Variants in SLC18A2 observed in about 807,000 individuals in gnomAD.
SLC18A2 encodes synaptic vesicular amine transporter.
A neutral mutation model predicts 59.2 loss-of-function variants in SLC18A2; 33 were observed. The observed-to-expected ratio is 0.56, with a 90% CI of 0.42 to 0.75. The LOEUF (loss-of-function observed/expected upper bound fraction) is 0.75. Ranked by LOEUF, SLC18A2 falls within the 30% of genes least tolerant of loss-of-function variation. SLC18A2 has a pLI of 0.00. For synonymous variants in SLC18A2, 228 were observed against 253.5 expected, an observed-to-expected ratio of 0.90 and a Z score of 0.95; for missense variants, 569 against 668.6, an observed-to-expected ratio of 0.85 and a Z score of 1.64.
intron 4 of SLC18A2, among the ~76,000 whole-genome samples, chr10:117,253,845 CA>C (rs980056390): frequency 1.3e-5 from 2 of 151,842 alleles, no homozygotes; most frequent in South Asian, 2.1e-4. Flanking sequence ...GACTCCATCT[CA>C]AAAAAAAGTA....
intron 2 of SLC18A2, among the ~76,000 whole-genome samples, chr10:117,243,671 C>T (rs1844078419): frequency 6.6e-6 from 1 of 152,176 alleles, no homozygotes; most frequent in South Asian, 2.1e-4. Context: ...CTGCAACTTC[C>T]ACCTCCCAGG....
Position 117,253,445 on chromosome 10 carries a change from G to T in SLC18A2, c.511G>T (p.Val171Phe). The T allele has an allele frequency of 6.2e-7, 1 of 1,612,682 alleles. No individual in the cohort carries two copies. The highest frequency in any genetic ancestry group is 8.5e-7 in the Non-Finnish European group (1 of 1,179,236). The change falls in exon 4 of 16, where the codon GTC (valine) becomes TTC (phenylalanine). Residue 171 changes from valine to phenylalanine, a missense_variant. Val to Phe is a conservative substitution (Grantham distance 50, BLOSUM62 -1). Transcript: ENST00000644641. ...PIFAGFCIMF[V>F]STIMFAFSSS... ...ATTTGCGGGATTCTGCATCATGTTT[G>T]TCTCAACAATTAGTAAGTGTGTGGT...
chr10:117,249,409 C>T (rs981737596), intron 3 of SLC18A2, among the ~76,000 whole-genome samples: 2 of 152,230 alleles, frequency 1.3e-5, no homozygotes, highest in East Asian at 1.9e-4. Context: ...CAAGCGGAAT[C>T]GAAGAATTTT....
At chr10:117,246,936 G>A (rs572187269) in intron 3 of SLC18A2, among the ~76,000 whole-genome samples, 1 of 152,182 alleles carries the variant, frequency 6.6e-6, no homozygotes, top group Non-Finnish European at 1.5e-5. Context: ...TTACAGGCGT[G>A]AGCCACCGCC....
intron 3 of SLC18A2, among the ~76,000 whole-genome samples, chr10:117,251,926 A>T (rs549843533): frequency 6.6e-6 from 1 of 152,180 alleles, no homozygotes; most frequent in East Asian, 1.9e-4. Context: ...AACTGAGTGT[A>T]AACTTTAAAT....
rs1054110268 is a variant in SLC18A2, at chr10:117,278,220, T to C, written c.*954T>C. 6.6e-6 allele frequency: 1 copy of C among 152,224 alleles called. No individual in the cohort carries two copies. The highest frequency in any genetic ancestry group is 1.9e-4 in the East Asian group (1 of 5,202). The allele number at this position is 152,224 out of a possible 1,614,324, so 9.4% of individuals were successfully genotyped here. On this transcript the variant is annotated 3_prime_UTR_variant, in exon 16 of 16. Coordinates refer to ENST00000644641, the MANE Select transcript of SLC18A2 (RefSeq NM_003054.6). The stretch of plus-strand genomic sequence containing the variant: ...TTGATCTGTTTGCAGGTCATCCAAG[T>C]GTTTTCTAGGAATATATTTATTTTA...
At chr10:117,254,574 G>A in intron 6 of SLC18A2, 77 bp downstream of exon 6, 1 of 1,041,130 alleles carries the variant, frequency 9.6e-7, no homozygotes, top group African/African-American at 1.6e-5. Context: ...CTCGCCCAGT[G>A]ACCCTGGCGC....
Position 117,255,418 on chromosome 10 carries a change from C to T in SLC18A2, c.790+52C>T, listed in dbSNP as rs363419. ...CCATGACCTTGGCATCGTGCTGGCA[C>T]GCGCTTGGGCCACACCTGCTTTCTG... On this transcript the variant is annotated intron_variant, in intron 7 of 15. Coordinates refer to ENST00000644641, the MANE Select transcript of SLC18A2 (RefSeq NM_003054.6). 104,244 of 1,613,724 alleles carry T rather than the reference C, an allele frequency of 0.065. 3,869 individuals are homozygous for T. Among genetic ancestry groups the T allele is most frequent in the East Asian group, 0.14 (6,219 of 44,872 alleles).
intron 11 of SLC18A2, 40 bp downstream of exon 11, chr10:117,266,851 A>C (rs1844354613): frequency 1.3e-6 from 2 of 1,576,272 alleles, no homozygotes; most frequent in Non-Finnish European, 8.7e-7. Context: ...TGTTACAATA[A>C]TGTAGTTCTT....
At chr10:117,242,820 C>A (rs1004130768) in intron 2 of SLC18A2, among the ~76,000 whole-genome samples, 1 of 152,196 alleles carries the variant, frequency 6.6e-6, no homozygotes, top group Admixed American at 6.5e-5. Context: ...GCAACCTCCA[C>A]CTCCCGGGTT....
intron 15 of SLC18A2, among the ~76,000 whole-genome samples, chr10:117,271,617 A>G (rs1844428962): frequency 6.6e-6 from 1 of 152,146 alleles, no homozygotes; most frequent in African/African-American, 2.4e-5. Context: ...AAGGTATGGA[A>G]GGTGCTGTGG....
At chr10:117,249,882 G>C (rs932628537) in intron 3 of SLC18A2, among the ~76,000 whole-genome samples, 2 of 152,096 alleles carry the variant, frequency 1.3e-5, no homozygotes, top group Admixed American at 6.5e-5. Flanking sequence ...GATGACCGTG[G>C]GCCAGTATGA....
At chr10:117,247,866 A>G (rs1844124388) in intron 3 of SLC18A2, among the ~76,000 whole-genome samples, 2 of 152,182 alleles carry the variant, frequency 1.3e-5, no homozygotes, top group South Asian at 2.1e-4. Context: ...GAATCGAGAC[A>G]TTCTACACCA....
chr10:117,262,132 C>T (rs1217198326), intron 10 of SLC18A2, among the ~76,000 whole-genome samples: 1 of 152,154 alleles, frequency 6.6e-6, no homozygotes, highest in Admixed American at 6.5e-5. Context: ...GTCTTGAACT[C>T]CTGACTTCGT....
intron 9 of SLC18A2, among the ~76,000 whole-genome samples, 173 bp from the exon 10 acceptor site, chr10:117,257,621 CATG>C (rs1222532706): frequency 6.6e-6 from 1 of 152,158 alleles, no homozygotes; most frequent in Non-Finnish European, 1.5e-5. Context: ...CGACGACGAC[CATG>C]ATGATGATGA....
intron 10 of SLC18A2, among the ~76,000 whole-genome samples, chr10:117,266,104 A>AG (rs1589983866): frequency 6.6e-6 from 1 of 151,674 alleles, no homozygotes; most frequent in East Asian, 1.9e-4. Flanking sequence ...AAAAAAAAAA[A>AG]AAAAAAATCT....
At chr10:117,274,657 T>C (rs1844464124) in intron 15 of SLC18A2, among the ~76,000 whole-genome samples, 1 of 152,158 alleles carries the variant, frequency 6.6e-6, no homozygotes, top group South Asian at 2.1e-4. Flanking sequence ...AGTGTCCTGC[T>C]TGGTAAATAA....
Position 117,244,177 on chromosome 10 carries a change from G to A in SLC18A2, c.328G>A (p.Ala110Thr), listed in dbSNP as rs763736721. 6.2e-6 allele frequency: 10 copies of A among 1,614,062 alleles called. No homozygotes were observed. The highest frequency in any genetic ancestry group is 4.5e-5 in the East Asian group (2 of 44,890). ...CGCCACACAGCACATGGTGACCAACGCGTCCGCTGTTCCTTCCGACTGTCC... is the reference window on the plus strand; with the variant it reads ...CGCCACACAGCACATGGTGACCAACACGTCCGCTGTTCCTTCCGACTGTCC... The part of the protein sequence containing the change: ...QTATQHMVTN[A>T]SAVPSDCPSE... Residue 110 changes from alanine to threonine, a missense_variant, in exon 3 of 16, where the codon GCG becomes ACG. By Grantham distance (58) the Ala-to-Thr change is moderately conservative (BLOSUM62 0). Coordinates refer to ENST00000644641, the MANE Select transcript of SLC18A2 (RefSeq NM_003054.6).
At chr10:117,251,377 T>C (rs1259667246) in intron 3 of SLC18A2, among the ~76,000 whole-genome samples, 3 of 152,170 alleles carry the variant, frequency 2.0e-5, no homozygotes, top group African/African-American at 7.2e-5. Flanking sequence ...GTTTCTTTTG[T>C]CCACATGAAT....
Sources: allele counts gnomAD v4.1 joint callset (sites outside exome capture counted in the v4.1 genomes callset), GRCh38; gene constraint gnomAD v4.1.1; transcripts MANE v1.5; gene names NCBI Gene and HGNC (gene_info 2026-07-23, HGNC 2026-07-21).